The following FRMD4A variants were observed in gnomAD, a reference collection of about 807,000 sequenced individuals.
FRMD4A encodes FERM domain containing 4A, also known as FERM domain-containing protein 4A.
FRMD4A carries 29 observed loss-of-function variants against 129.1 expected under a neutral mutation model. The ratio of observed to expected loss-of-function variants is 0.22; its 90% CI spans 0.17 to 0.31. FRMD4A has a LOEUF of 0.31. Ranked by LOEUF, FRMD4A falls within the 10% of genes least tolerant of loss-of-function variation. The pLI is 1.00. For synonymous variants in FRMD4A, 634 were observed against 571.6 expected, an observed-to-expected ratio of 1.11 and a Z score of -1.56; for missense variants, 1,272 against 1,375.8, an observed-to-expected ratio of 0.92 and a Z score of 1.19.
chr10:13,788,887 G>C (rs918998302), intron 5 of FRMD4A, among the ~76,000 whole-genome samples: 2 of 152,184 alleles, frequency 1.3e-5, no homozygotes, highest in Non-Finnish European at 2.9e-5. Flanking sequence ...TGCCTAGTCA[G>C]ATGGCAAGGG....
At chr10:13,706,763 C>CACAT (rs2087488386) in intron 13 of FRMD4A, among the ~76,000 whole-genome samples, 2 of 151,524 alleles carry the variant, frequency 1.3e-5, no homozygotes. Flanking sequence ...CACACACACA[C>CACAT]ACACACACAC....
intron 2 of FRMD4A, among the ~76,000 whole-genome samples, chr10:13,906,991 G>T (rs2094889013): frequency 6.6e-6 from 1 of 152,170 alleles, no homozygotes; most frequent in Non-Finnish European, 1.5e-5. Context: ...ATCCTCAACT[G>T]TGTGGCGCAG....
intron 3 of FRMD4A, among the ~76,000 whole-genome samples, chr10:13,831,371 G>A (rs948431655): frequency 1.3e-5 from 2 of 152,112 alleles, no homozygotes; most frequent in Non-Finnish European, 2.9e-5. Context: ...TTGCTTGAGC[G>A]TAGGAGTTTG....
intron 2 of FRMD4A, among the ~76,000 whole-genome samples, chr10:14,233,558 A>C (rs1589208368): frequency 1.3e-5 from 2 of 152,230 alleles, no homozygotes; most frequent in East Asian, 3.8e-4. Flanking sequence ...TCAGGGACAG[A>C]GTGAGACTCC....
intron 12 of FRMD4A, among the ~76,000 whole-genome samples, chr10:13,714,530 A>T (rs1170530315): frequency 2.0e-5 from 3 of 152,012 alleles, no homozygotes; most frequent in African/African-American, 7.2e-5. Context: ...CCATTCATGT[A>T]GTAGTCTTCT....
rs112032855 is a variant in FRMD4A, at chr10:13,706,990, G to A, written c.836+47C>T. ...CCAAAATAATATCCATAACACGCCC[G>A]GCCGAGAGCCACGCCATCCCGCAAG... On this transcript the variant is annotated intron_variant, in intron 13 of 24. Coordinates refer to ENST00000357447, the MANE Select transcript of FRMD4A (RefSeq NM_018027.5). 2,868 of 974,524 alleles carry A rather than the reference G, an allele frequency of 2.9e-3. 70 individuals carry two copies. The African/African-American group carries it at 0.041, about 14-fold the overall frequency. The allele number at this position is 974,524 out of a possible 1,614,324, so 60.4% of individuals were successfully genotyped here. A position where few individuals can be genotyped will look rare whatever the true frequency, so the allele number is the denominator to read the frequency against.
Position 13,740,187 on chromosome 10 carries a change from T to C in FRMD4A, c.672+7A>G. On this transcript the variant is annotated splice_region_variant and intron_variant, in intron 11 of 24. Coordinates refer to ENST00000357447, the MANE Select transcript of FRMD4A (RefSeq NM_018027.5). ...TTTGGTAACCTTCACCAAATGAGTC[T>C]ACTCACCTTCACTGCATAATAGTGA... The C allele has an allele frequency of 6.4e-7, 1 of 1,554,736 alleles. No individual in the cohort carries two copies. Among genetic ancestry groups the C allele is most frequent in the Non-Finnish European group, 8.9e-7 (1 of 1,126,226 alleles).
intron 17 of FRMD4A, among the ~76,000 whole-genome samples, chr10:13,668,653 C>T (rs962189779): frequency 2.0e-5 from 3 of 152,104 alleles, no homozygotes; most frequent in Non-Finnish European, 2.9e-5. Flanking sequence ...GCTAAAGTCC[C>T]GCGGTACTGA....
chr10:13,868,144 C>A (rs2094397768), intron 2 of FRMD4A, among the ~76,000 whole-genome samples: 1 of 151,332 alleles, frequency 6.6e-6, no homozygotes, highest in Admixed American at 6.6e-5. Flanking sequence ...GGAAATAACA[C>A]TTATTACAAA....
intron 2 of FRMD4A, among the ~76,000 whole-genome samples, chr10:14,131,259 C>T (rs533382530): frequency 6.6e-6 from 1 of 152,312 alleles, no homozygotes; most frequent in South Asian, 2.1e-4. Context: ...ATGGGCAAAA[C>T]CACCAGCAAG....
At chr10:13,745,988 C>G (rs908592614) in intron 9 of FRMD4A, among the ~76,000 whole-genome samples, 1 of 152,196 alleles carries the variant, frequency 6.6e-6, no homozygotes, top group African/African-American at 2.4e-5. Flanking sequence ...CATGCAAAAT[C>G]CCTGCAAGTT....
At chr10:13,867,776 TATA>T (rs1301024701) in intron 2 of FRMD4A, among the ~76,000 whole-genome samples, 1 of 130,742 alleles carries the variant, frequency 7.6e-6, no homozygotes, top group Non-Finnish European at 1.6e-5. Context: ...TAATATGATA[TATA>T]ATAAATATAT....
intron 2 of FRMD4A, among the ~76,000 whole-genome samples, chr10:14,159,576 A>C (rs1219530371): frequency 6.6e-6 from 1 of 152,218 alleles, no homozygotes; most frequent in Non-Finnish European, 1.5e-5. Context: ...TACAGATTCA[A>C]TTCAATCCCT....
intron 2 of FRMD4A, among the ~76,000 whole-genome samples, chr10:14,263,748 A>C (rs1030568747): frequency 6.6e-6 from 1 of 152,154 alleles, no homozygotes; most frequent in East Asian, 1.9e-4. Context: ...AGGCCCCTGG[A>C]GTCGCCAGAA....
At chr10:13,680,456 C>A (rs539499153) in intron 15 of FRMD4A, among the ~76,000 whole-genome samples, 1 of 149,548 alleles carries the variant, frequency 6.7e-6, no homozygotes, top group Non-Finnish European at 1.5e-5. Context: ...GGCTGGGTGT[C>A]GTGGCTCATG....
chr10:14,099,432 G>A (rs1236138398), intron 2 of FRMD4A, among the ~76,000 whole-genome samples: 2 of 152,208 alleles, frequency 1.3e-5, no homozygotes, highest in Non-Finnish European at 2.9e-5. Context: ...CTTTAAGTGT[G>A]TACGTGCATA....
chr10:13,891,844 C>G (rs2094701760), intron 2 of FRMD4A: 7 of 668,902 alleles, frequency 1.0e-5, no homozygotes, highest in Non-Finnish European at 1.3e-5. Flanking sequence ...CCGAGCCTGG[C>G]CCGGCGCCAG....
At chr10:14,093,442 G>A (rs1836768747) in intron 2 of FRMD4A, among the ~76,000 whole-genome samples, 1 of 152,162 alleles carries the variant, frequency 6.6e-6, no homozygotes, top group African/African-American at 2.4e-5. Flanking sequence ...GAGAAAGGGA[G>A]ATGGTGGTTA....
intron 2 of FRMD4A, among the ~76,000 whole-genome samples, chr10:14,222,627 A>G (rs1843298569): frequency 6.6e-6 from 1 of 151,870 alleles, no homozygotes; most frequent in South Asian, 2.1e-4. Context: ...ATCATATATG[A>G]CCCCGTCCCA....
Sources: allele counts gnomAD v4.1 joint callset (sites outside exome capture counted in the v4.1 genomes callset), GRCh38; gene constraint gnomAD v4.1.1; transcripts MANE v1.5; gene names NCBI Gene and HGNC (gene_info 2026-07-23, HGNC 2026-07-21).